Variants in GALNTL6 observed in about 807,000 individuals in gnomAD.
GALNTL6 encodes the protein polypeptide N-acetylgalactosaminyltransferase-like 6.
GALNTL6 carries 46 observed loss-of-function variants against 73.7 expected under a neutral mutation model. That is an observed-to-expected ratio of 0.62 (90% CI 0.49 to 0.80). GALNTL6 has a LOEUF of 0.80. Among genes scored for constraint, GALNTL6 ranks in the 30% least tolerant of loss-of-function variants. The pLI, the probability that GALNTL6 is intolerant of heterozygous loss-of-function variation, is 0.00. For missense variants in GALNTL6, 604 were observed against 755.0 expected (o/e 0.80, Z 2.34); for synonymous variants, 259 against 263.7 (o/e 0.98, Z 0.17).
At chr4:172,468,108 T>C (rs1732904333) in intron 5 of GALNTL6, among the ~76,000 whole-genome samples, 1 of 152,092 alleles carries the variant, frequency 6.6e-6, no homozygotes, top group African/African-American at 2.4e-5. Context: ...CCCAGGCTGT[T>C]CTCAAACTCC....
intron 2 of GALNTL6, among the ~76,000 whole-genome samples, chr4:172,092,608 T>C (rs1210065259): frequency 2.0e-5 from 3 of 152,038 alleles, no homozygotes; most frequent in Non-Finnish European, 4.4e-5. Flanking sequence ...AAATAGTCAT[T>C]CATTTAGCCA....
intron 2 of GALNTL6, among the ~76,000 whole-genome samples, chr4:172,166,548 T>G (rs1734631379): frequency 6.6e-6 from 1 of 152,130 alleles, no homozygotes; most frequent in South Asian, 2.1e-4. Flanking sequence ...ATAAGAAGAA[T>G]AAGCCAAATC....
At chr4:172,532,597 T>C (rs1335769202) in intron 5 of GALNTL6, among the ~76,000 whole-genome samples, 1 of 152,224 alleles carries the variant, frequency 6.6e-6, no homozygotes, top group Non-Finnish European at 1.5e-5. Flanking sequence ...CATGTATTTT[T>C]GGTTTAGATT....
At chr4:172,204,701 C>G (rs1045870153) in intron 2 of GALNTL6, among the ~76,000 whole-genome samples, 10 of 151,894 alleles carry the variant, frequency 6.6e-5, no homozygotes, top group Admixed American at 5.2e-4. Context: ...ATTTATGAAC[C>G]CTTTTGAGAA....
At chr4:172,279,982 A>G (rs1738983980) in intron 3 of GALNTL6, among the ~76,000 whole-genome samples, 1 of 152,196 alleles carries the variant, frequency 6.6e-6, no homozygotes, top group African/African-American at 2.4e-5. Flanking sequence ...GATCACAAAG[A>G]CAAATAACGT....
At chr4:172,130,001 C>T (rs1733441879) in intron 2 of GALNTL6, among the ~76,000 whole-genome samples, 1 of 152,048 alleles carries the variant, frequency 6.6e-6, no homozygotes, top group South Asian at 2.1e-4. Context: ...AATGGGAATA[C>T]ACACGGCAAA....
chr4:172,484,108 C>G (rs1733589107), intron 5 of GALNTL6, among the ~76,000 whole-genome samples: 1 of 152,192 alleles, frequency 6.6e-6, no homozygotes, highest in South Asian at 2.1e-4. Context: ...AGAACATACT[C>G]CTTGTTTTGA....
chr4:172,918,086 G>A (rs550779432), intron 8 of GALNTL6, among the ~76,000 whole-genome samples: 1 of 151,176 alleles, frequency 6.6e-6, no homozygotes, highest in South Asian at 2.1e-4. Flanking sequence ...GGATGAGTTT[G>A]TAGGGACATG....
At chr4:173,012,777 C>G (rs1391068871) in intron 11 of GALNTL6, among the ~76,000 whole-genome samples, 1 of 152,204 alleles carries the variant, frequency 6.6e-6, no homozygotes, top group East Asian at 1.9e-4. Context: ...TCCAAGGCAG[C>G]TGGGACTTTG....
In GALNTL6 at chr4:172,509,332, C is replaced by G. The variant is rs1734420374; in HGVS notation, c.553+160643C>G. Among the ~76,000 whole-genome samples, 2 of 54,348 alleles carry G rather than the reference C, an allele frequency of 3.7e-5. 1 individual carries two copies. Among genetic ancestry groups the G allele is most frequent in the Non-Finnish European group, 8.5e-5 (2 of 23,632 alleles). The allele number at this position is 54,348 out of a possible 152,430, so 35.7% of individuals were successfully genotyped here. A position where few individuals can be genotyped will look rare whatever the true frequency, so the allele number is the denominator to read the frequency against. ...TTTCTTGCTGATTTGTTTGAGTTCA[C>G]TGTAGATTCTGGCTATTAGTACTTT... is the stretch of plus-strand genomic sequence containing the variant. On this transcript the variant is annotated intron_variant, in intron 5 of 12. Coordinates refer to ENST00000506823, the MANE Select transcript of GALNTL6 (RefSeq NM_001034845.3).
At chr4:172,462,575 A>T (rs924214608) in intron 5 of GALNTL6, among the ~76,000 whole-genome samples, 1 of 152,144 alleles carries the variant, frequency 6.6e-6, no homozygotes, top group East Asian at 1.9e-4. Context: ...CTGCCAAATG[A>T]TTTTATCTAT....
intron 2 of GALNTL6, among the ~76,000 whole-genome samples, chr4:171,954,495 A>T (rs1043952137): frequency 3.3e-5 from 5 of 152,232 alleles, no homozygotes; most frequent in African/African-American, 1.2e-4. Flanking sequence ...AAGAATACAG[A>T]TGCTTCTGAT....
chr4:171,959,089 A>G (rs555104719), intron 2 of GALNTL6, among the ~76,000 whole-genome samples: 5 of 152,304 alleles, frequency 3.3e-5, no homozygotes, highest in Non-Finnish European at 5.9e-5. Flanking sequence ...CTTAGTAAGT[A>G]AAACTTTTTA....
At chr4:172,972,190 A>C (rs1750611940) in intron 10 of GALNTL6, among the ~76,000 whole-genome samples, 1 of 152,198 alleles carries the variant, frequency 6.6e-6, no homozygotes, top group South Asian at 2.1e-4. Context: ...AGAAAGAAAC[A>C]TGCTAATAAT....
intron 5 of GALNTL6, among the ~76,000 whole-genome samples, chr4:172,795,575 A>G (rs924536547): frequency 6.6e-6 from 1 of 152,144 alleles, no homozygotes; most frequent in African/African-American, 2.4e-5. Flanking sequence ...TAGTAGGTAT[A>G]TATATTTACA....
Position 172,461,032 on chromosome 4 carries a change from C to G in GALNTL6, c.553+112343C>G, listed in dbSNP as rs147055026. On this transcript the variant is annotated intron_variant, in intron 5 of 12. Coordinates refer to ENST00000506823, the MANE Select transcript of GALNTL6 (RefSeq NM_001034845.3). ...CCCATATATACCATGGAATACTATG[C>G]AGCCATAAAAAATGATGAGTTCATG... Among the ~76,000 whole-genome samples, 1,379 of 152,262 alleles carry G rather than the reference C, an allele frequency of 9.1e-3. 11 individuals carry two copies. Among genetic ancestry groups the G allele is most frequent in the African/African-American group, 0.031 (1,305 of 41,526 alleles).
chr4:172,905,812 C>CAAAAA (rs397996287), intron 8 of GALNTL6, among the ~76,000 whole-genome samples: 229 of 69,588 alleles, frequency 3.3e-3, no homozygotes, highest in African/African-American at 7.0e-3. Flanking sequence ...AGAGATCACT[C>CAAAAA]AAAAAAAAAA....
chr4:172,270,028 G>GCCTA (rs1472459881), intron 3 of GALNTL6, among the ~76,000 whole-genome samples: 1 of 152,068 alleles, frequency 6.6e-6, no homozygotes, highest in Non-Finnish European at 1.5e-5. Context: ...GAGCCACCAT[G>GCCTA]CCTAGCCTAC....
At chr4:172,981,374 C>G (rs1751056288) in intron 10 of GALNTL6, among the ~76,000 whole-genome samples, 1 of 152,210 alleles carries the variant, frequency 6.6e-6, no homozygotes, top group African/African-American at 2.4e-5. Flanking sequence ...TAGTTTTCCA[C>G]TGTTGCTGGG....
Sources: gnomAD v4.1 joint callset for allele counts (sites outside exome capture counted in the v4.1 genomes callset) on GRCh38, gnomAD v4.1.1 for gene constraint, MANE v1.5 for transcripts, NCBI Gene and HGNC (gene_info 2026-07-23, HGNC 2026-07-21) for gene names.